LRP1B: variants seen among roughly 807,000 people sequenced by gnomAD.
The protein encoded by LRP1B is LDL receptor related protein 1B, also known as low-density lipoprotein receptor-related protein 1B.
In LRP1B, 217 loss-of-function variants were observed where a neutral mutation model predicts 556.6. The observed-to-expected ratio is 0.39, with a 90% CI of 0.35 to 0.44. The LOEUF (loss-of-function observed/expected upper bound fraction) is 0.44. LRP1B is among the 20% of genes least tolerant of loss of function. The pLI, the probability that LRP1B is intolerant of heterozygous loss-of-function variation, is 1.00. For synonymous variants in LRP1B, 2,047 were observed against 1,865.8 expected (o/e 1.10, Z -2.50); for missense variants, 5,053 against 5,620.8 (o/e 0.90, Z 3.23).
intron 41 of LRP1B, among the ~76,000 whole-genome samples, chr2:140,687,229 AT>A (rs1283490811): frequency 6.6e-6 from 1 of 152,162 alleles, no homozygotes; most frequent in Non-Finnish European, 1.5e-5. Context: ...GAATCATGGG[AT>A]GTAGTTACAG....
chr2:140,412,810 C>T (rs184064131), intron 66 of LRP1B, among the ~76,000 whole-genome samples: 9 of 152,070 alleles, frequency 5.9e-5, no homozygotes, highest in Middle Eastern at 3.4e-3. Context: ...ATGGTATCTA[C>T]GTATTTATTC....
intron 1 of LRP1B, among the ~76,000 whole-genome samples, chr2:141,900,145 A>G (rs544722682): frequency 6.6e-6 from 1 of 152,230 alleles, no homozygotes; most frequent in African/African-American, 2.4e-5. Flanking sequence ...AATTATATAC[A>G]TTGTTAAAAT....
chr2:140,661,918 G>C (rs1685111023), intron 41 of LRP1B, among the ~76,000 whole-genome samples: 1 of 152,034 alleles, frequency 6.6e-6, no homozygotes, highest in African/African-American at 2.4e-5. Context: ...TGAGAAATAA[G>C]CACTAAACAA....
At chr2:140,336,802 C>T (rs1336992386) in intron 77 of LRP1B, among the ~76,000 whole-genome samples, 7 of 151,708 alleles carry the variant, frequency 4.6e-5, no homozygotes, top group Admixed American at 4.0e-4. Flanking sequence ...TTTTCTGTGC[C>T]CTTCAATTAA....
intron 21 of LRP1B, among the ~76,000 whole-genome samples, chr2:140,909,210 C>T (rs1273288662): frequency 5.3e-5 from 8 of 152,086 alleles, no homozygotes; most frequent in African/African-American, 1.9e-4. Context: ...GTGTAATATA[C>T]ATTTTTTAAA....
In LRP1B at chr2:140,688,739, G is replaced by A. The variant is rs149741271; in HGVS notation, c.6799+11511C>T. ...GACTTATAAAATATCTTCACATATTGAGCCAGTTCTCATGTGGAACCCTGA... is the reference window on the plus strand; with the variant it reads ...GACTTATAAAATATCTTCACATATTAAGCCAGTTCTCATGTGGAACCCTGA... On this transcript the variant is annotated intron_variant, in intron 41 of 90. Transcript: ENST00000389484. Among the ~76,000 whole-genome samples the A allele has an allele frequency of 9.2e-3, 1,395 of 152,256 alleles. 36 individuals carry two copies. Among genetic ancestry groups the A allele is most frequent in the Admixed American group, 0.043 (663 of 15,288 alleles).
At chr2:140,569,973 C>G (rs1371063584) in intron 43 of LRP1B, among the ~76,000 whole-genome samples, 3 of 151,780 alleles carry the variant, frequency 2.0e-5, no homozygotes, top group African/African-American at 7.2e-5. Flanking sequence ...CATTTAAAAA[C>G]TTCTTCAAAC....
In LRP1B at chr2:140,350,321, T is replaced by C. The variant is rs971623482; in HGVS notation, c.11892+476A>G. 2.6e-5 allele frequency among the ~76,000 whole-genome samples: 4 copies of C among 152,186 alleles called. No homozygotes were observed. The East Asian group carries it at 7.7e-4, about 29-fold the overall frequency. On this transcript the variant is annotated intron_variant, in intron 77 of 90. Coordinates refer to ENST00000389484, the MANE Select transcript of LRP1B (RefSeq NM_018557.3). ...TCTGTTTTGGATATTTCCTGAAATA[T>C]AGTTATCAGGAGTCAGAAGAAATGG... is the stretch of plus-strand genomic sequence containing the variant.
intron 66 of LRP1B, among the ~76,000 whole-genome samples, chr2:140,388,932 A>G (rs1683887870): frequency 6.6e-6 from 1 of 152,202 alleles, no homozygotes. Flanking sequence ...TTCCAATGAG[A>G]AACCAAAATT....
chr2:141,485,288 A>G (rs1240624110), intron 2 of LRP1B, among the ~76,000 whole-genome samples: 3 of 152,134 alleles, frequency 2.0e-5, no homozygotes, highest in Admixed American at 2.0e-4. Context: ...CTGTACCATA[A>G]CCAGTCCTTC....
chr2:141,898,354 T>G (rs2104928562), intron 1 of LRP1B, among the ~76,000 whole-genome samples: 1 of 152,122 alleles, frequency 6.6e-6, no homozygotes, highest in East Asian at 1.9e-4. Flanking sequence ...GAACACAGAG[T>G]CACTTTAATA....
chr2:140,396,978 A>G (rs543185928), intron 66 of LRP1B, among the ~76,000 whole-genome samples: 1 of 152,286 alleles, frequency 6.6e-6, no homozygotes, highest in East Asian at 1.9e-4. Context: ...CAAGCAAATA[A>G]CAAGTATTGG....
intron 18 of LRP1B, among the ~76,000 whole-genome samples, chr2:140,957,926 G>T (rs367936141): frequency 1.3e-5 from 2 of 151,412 alleles, no homozygotes; most frequent in African/African-American, 4.8e-5. Flanking sequence ...GGGGAAAAAA[G>T]TCCCCTTGAA....
At chr2:140,340,285 G>T (rs984357685) in intron 77 of LRP1B, among the ~76,000 whole-genome samples, 3 of 151,546 alleles carry the variant, frequency 2.0e-5, no homozygotes, top group African/African-American at 7.3e-5. Flanking sequence ...ATTATAAGGT[G>T]TATAAAATAA....
chr2:141,314,140 G>A (rs897094525), intron 3 of LRP1B, among the ~76,000 whole-genome samples: 2 of 151,970 alleles, frequency 1.3e-5, no homozygotes, highest in African/African-American at 4.8e-5. Flanking sequence ...ATTCTGTATC[G>A]ACATTCCAAA....
chr2:140,764,668 G>A (rs749052683), intron 35 of LRP1B, among the ~76,000 whole-genome samples: 6 of 152,116 alleles, frequency 3.9e-5, no homozygotes, highest in Admixed American at 1.3e-4. Flanking sequence ...CAGCAGAATT[G>A]ATCAGAAAGT....
intron 7 of LRP1B, among the ~76,000 whole-genome samples, chr2:141,080,806 C>T (rs972547043): frequency 6.6e-6 from 1 of 152,190 alleles, no homozygotes; most frequent in Non-Finnish European, 1.5e-5. Context: ...AGATATTAAA[C>T]AGAAAATTAT....
At chr2:141,054,581 C>T (rs904132941) in intron 10 of LRP1B, among the ~76,000 whole-genome samples, 11 of 140,602 alleles carry the variant, frequency 7.8e-5, no homozygotes, top group African/African-American at 1.2e-4. Flanking sequence ...TTGATAAAAT[C>T]GTTAAAACTT....
chr2:140,934,684 G>T, intron 20 of LRP1B, among the ~76,000 whole-genome samples: 1 of 152,064 alleles, frequency 6.6e-6, no homozygotes, highest in East Asian at 1.9e-4. Context: ...TCCAAATTCT[G>T]GGATCCGTGC....
Sources: allele counts gnomAD v4.1 joint callset (sites outside exome capture counted in the v4.1 genomes callset), GRCh38; gene constraint gnomAD v4.1.1; transcripts MANE v1.5; gene names NCBI Gene and HGNC (gene_info 2026-07-23, HGNC 2026-07-21).